Variants in LOC400499 observed in about 807,000 individuals in gnomAD.
chr16:11,501,134 G>A, the LOC400499 span, among the ~76,000 whole-genome samples: 1 of 152,064 alleles, frequency 6.6e-6, no homozygotes, highest in East Asian at 1.9e-4. Flanking sequence ...TCTGGCTGAG[G>A]CCCGTGCTCT....
At chr16:11,419,987 C>G in the LOC400499 span, among the ~76,000 whole-genome samples, 1 of 150,744 alleles carries the variant, frequency 6.6e-6, no homozygotes, top group Non-Finnish European at 1.5e-5. Flanking sequence ...CACTTTTACA[C>G]TGTTGGTGGG....
At chr16:11,384,628 C>T in the LOC400499 span, among the ~76,000 whole-genome samples, 1 of 152,324 alleles carries the variant, frequency 6.6e-6, no homozygotes, top group Admixed American at 6.5e-5. Context: ...AGAGGGACGA[C>T]AGAAGGGCCA....
the LOC400499 span, chr16:11,478,490 C>G: frequency 2.5e-6 from 1 of 398,908 alleles, no homozygotes; most frequent in Admixed American, 4.4e-5. Flanking sequence ...TGCCAAGTGT[C>G]ACAGGGCAGA....
chr16:11,419,716 A>G, the LOC400499 span, among the ~76,000 whole-genome samples: 553 of 152,366 alleles, frequency 3.6e-3, 4 homozygotes, highest in Non-Finnish European at 6.0e-3. Context: ...ACAAAGGGCT[A>G]ATATCCAGAA....
chr16:11,380,748 C>T, the LOC400499 span: 1 of 152,150 alleles, frequency 6.6e-6, no homozygotes, highest in South Asian at 2.1e-4. Context: ...ACTGCAGATA[C>T]CATTCCATTG....
At chr16:11,492,462 A>T in the LOC400499 span, among the ~76,000 whole-genome samples, 6 of 152,040 alleles carry the variant, frequency 3.9e-5, no homozygotes, top group African/African-American at 1.4e-4. Context: ...GGAGACAGTC[A>T]ATGAGATTAG....
At chr16:11,435,900 G>C in the LOC400499 span, 5 of 399,278 alleles carry the variant, frequency 1.3e-5, no homozygotes, top group Admixed American at 4.4e-5. Context: ...GCAGGGGAGG[G>C]ACAGGAAGGG....
chr16:11,501,018 T>C, the LOC400499 span: 1 of 398,718 alleles, frequency 2.5e-6, no homozygotes, highest in Non-Finnish European at 4.4e-6. Flanking sequence ...GCAAAGCTCA[T>C]CTCACCGAAG....
chr16:11,387,179 A>G, the LOC400499 span: 1 of 1,232,208 alleles, frequency 8.1e-7, no homozygotes, highest in South Asian at 4.1e-5. Context: ...GGCCCCAGAC[A>G]GCTCTCGGAG....
the LOC400499 span, among the ~76,000 whole-genome samples, chr16:11,431,830 G>A: frequency 1.3e-5 from 2 of 152,164 alleles, no homozygotes; most frequent in African/African-American, 2.4e-5. Context: ...GCATTAACAC[G>A]TGAGATCTAT....
chr16:11,387,030 C>G, the LOC400499 span: 2 of 1,112,954 alleles, frequency 1.8e-6, no homozygotes, highest in African/African-American at 3.2e-5. Context: ...TGTGATGCTA[C>G]TAGCCTATGG....
chr16:11,412,442 T>G, the LOC400499 span, among the ~76,000 whole-genome samples: 1 of 152,192 alleles, frequency 6.6e-6, no homozygotes, highest in Non-Finnish European at 1.5e-5. Context: ...GGTCTACCCC[T>G]TCAACAAGTG....
At chr16:11,402,532 C>T in the LOC400499 span, among the ~76,000 whole-genome samples, 1 of 152,216 alleles carries the variant, frequency 6.6e-6, no homozygotes, top group African/African-American at 2.4e-5. Context: ...ACCCCGCTTC[C>T]TCCCTTGAAC....
At chr16:11,435,730 GAGA>G in the LOC400499 span, 1 of 399,252 alleles carries the variant, frequency 2.5e-6, no homozygotes, top group Non-Finnish European at 4.4e-6. Context: ...CAGCCTGGTG[GAGA>G]AGGACACTCA....
chr16:11,502,056 C>T, the LOC400499 span: 2 of 398,976 alleles, frequency 5.0e-6, no homozygotes, highest in African/African-American at 2.1e-5. Context: ...AGTCCATCCC[C>T]CACCCGGAGA....
At chr16:11,400,480 T>C in the LOC400499 span, among the ~76,000 whole-genome samples, 2 of 147,108 alleles carry the variant, frequency 1.4e-5, no homozygotes, top group African/African-American at 2.6e-5. Context: ...CTCACTCTGT[T>C]ACCAGGCTGG....
chr16:11,431,482 T>G, the LOC400499 span, among the ~76,000 whole-genome samples: 6 of 152,210 alleles, frequency 3.9e-5, no homozygotes, highest in Non-Finnish European at 8.8e-5. Flanking sequence ...CTCAGCTCAC[T>G]GCAACCTCCG....
the LOC400499 span, among the ~76,000 whole-genome samples, chr16:11,445,277 C>G: frequency 3.3e-5 from 5 of 152,044 alleles, no homozygotes; most frequent in South Asian, 1.0e-3. Context: ...AAAAATTAGC[C>G]AGGAGTGGGA....
the LOC400499 span, among the ~76,000 whole-genome samples, chr16:11,382,351 A>G: frequency 2.0e-5 from 3 of 152,292 alleles, no homozygotes; most frequent in East Asian, 5.8e-4. Context: ...GCAGCCACTA[A>G]TTCTGGCATC....
Sources: gnomAD v4.1 joint callset for allele counts (sites outside exome capture counted in the v4.1 genomes callset) on GRCh38, gnomAD v4.1.1 for gene constraint, MANE v1.5 for transcripts.